Variants in DOT1L observed in about 807,000 individuals in gnomAD.
DOT1L encodes the protein DOT1 like histone lysine methyltransferase.
A neutral mutation model predicts 153.3 loss-of-function variants in DOT1L; 33 were observed. The ratio of observed to expected loss-of-function variants is 0.22; its 90% CI spans 0.16 to 0.29. The LOEUF (loss-of-function observed/expected upper bound fraction) is 0.29, where lower values mean the gene tolerates loss of function less well. Among genes scored for constraint, DOT1L ranks in the 10% least tolerant of loss-of-function variants. The probability of loss-of-function intolerance (pLI) is 1.00; values close to 1 mark genes in which losing one functional copy is unlikely to be tolerated. For missense variants in DOT1L, 1,847 were observed against 2,119.9 expected (o/e 0.87, Z 2.53); for synonymous variants, 1,135 against 965.1 (o/e 1.18, Z -3.26).
chr19:2,202,551 C>T lies in DOT1L; in HGVS notation c.708-149C>T, dbSNP rs185250026. ...TTTTCCCTGCACCTGAAACCCACGGCGTGCGCTCAGCTGCGTGGGCTTGGC... is the reference window on the plus strand; with the variant it reads ...TTTTCCCTGCACCTGAAACCCACGGTGTGCGCTCAGCTGCGTGGGCTTGGC... On this transcript the variant is annotated intron_variant, in intron 8 of 27. Coordinates refer to ENST00000398665, the MANE Select transcript of DOT1L (RefSeq NM_032482.3). 4.9e-5 allele frequency: 35 copies of T among 709,472 alleles called. No individual in the cohort carries two copies. In the East Asian group the frequency reaches 5.4e-4, roughly 11 times the overall value. The allele number at this position is 709,472 out of a possible 1,614,324, so 43.9% of individuals were successfully genotyped here.
At chr19:2,170,510 G>C (rs1428737031) in intron 1 of DOT1L, among the ~76,000 whole-genome samples, 2 of 152,166 alleles carry the variant, frequency 1.3e-5, no homozygotes, top group Non-Finnish European at 2.9e-5. Flanking sequence ...GGATTCATCA[G>C]TTCTGTGTTT....
At chr19:2,224,128 C>T (rs1381718729) in intron 25 of DOT1L, among the ~76,000 whole-genome samples, 1 of 152,236 alleles carries the variant, frequency 6.6e-6, no homozygotes, top group African/African-American at 2.4e-5. Flanking sequence ...CAAGGTGCAT[C>T]CTCGGTCCCT....
chr19:2,199,923 C>T lies in DOT1L; in HGVS notation c.691C>T (p.Arg231Ter), dbSNP rs2144779644. 1.2e-6 allele frequency: 2 copies of T among 1,613,922 alleles called. No homozygotes were observed. The highest frequency in any genetic ancestry group is 8.5e-7 in the Non-Finnish European group (1 of 1,179,872). The change falls in exon 8 of 28, where the codon CGA (arginine) becomes TGA (stop). Residue 231 changes from arginine to a stop codon, truncating the protein, a stop_gained. Transcript: ENST00000398665. LOFTEE classifies it high-confidence loss of function. ...TTTCCTCTCAGAAGAGTGGAGGGAG[C>T]GAATCGCCAACACGAGGTATGGCCA... ...GDFLSEEWRE[R>*]IANTSVIFVN...
At chr19:2,219,534 C>G (rs959880748) in intron 22 of DOT1L, among the ~76,000 whole-genome samples, 1 of 152,118 alleles carries the variant, frequency 6.6e-6, no homozygotes, top group African/African-American at 2.4e-5. Context: ...CGGCTTGATT[C>G]CCTGTTTTGG....
At chr19:2,184,783 G>A (rs1259965560) in intron 2 of DOT1L, among the ~76,000 whole-genome samples, 1 of 152,180 alleles carries the variant, frequency 6.6e-6, no homozygotes, top group Non-Finnish European at 1.5e-5. Flanking sequence ...TTGTTCCTTC[G>A]GTGAATTGCA....
chr19:2,177,553 T>C (rs2022008281), intron 1 of DOT1L, among the ~76,000 whole-genome samples: 1 of 152,166 alleles, frequency 6.6e-6, no homozygotes, highest in African/African-American at 2.4e-5. Context: ...ATTTGTGTTA[T>C]TAGTATTCGC....
In DOT1L at chr19:2,223,019, C is replaced by T. The variant is rs182195469; in HGVS notation, c.3391-262C>T. The stretch of plus-strand genomic sequence containing the variant: ...TGGGGTTCGGAGTGCGATGCGCTGC[C>T]TGCAAGCTTCTTCATTCTCGGCTGT... On this transcript the variant is annotated intron_variant, in intron 24 of 27. Transcript: ENST00000398665. 9.5e-6 allele frequency: 5 copies of T among 527,596 alleles called. No homozygotes were observed. The Admixed American group carries it at 1.4e-4, about 15-fold the overall frequency. 32.7% of individuals were successfully genotyped at this position (527,596 alleles called of 1,614,324 possible).
chr19:2,221,764 G>A (rs868090491), intron 23 of DOT1L: 15 of 558,166 alleles, frequency 2.7e-5, no homozygotes, highest in African/African-American at 9.4e-5. Context: ...CCAGATGGGC[G>A]GGAGGAGGCA....
intron 1 of DOT1L, among the ~76,000 whole-genome samples, chr19:2,170,876 G>C (rs565747879): frequency 2.6e-5 from 4 of 152,120 alleles, no homozygotes; most frequent in Admixed American, 6.6e-5. Context: ...CCCGGAACGT[G>C]TGTCTCCCGG....
rs1477354006 is a variant in DOT1L at position 2,226,445 on chromosome 19, G to A, written c.3924G>A (p.Pro1308=). The change falls in exon 27 of 28, where the codon CCG becomes CCA. Residue 1308 remains proline, a synonymous_variant. Transcript: ENST00000398665. ...GSLSGADGLS[P]GTNPANGCTF... is the part of the protein sequence containing the mutation. ...TGTCGGGGGCTGACGGACTCAGCCC[G>A]GGCACCAACCCTGCCAACGGCTGCA... The A allele has an allele frequency of 5.6e-6, 9 of 1,601,494 alleles. No homozygotes were observed. The highest frequency in any genetic ancestry group is 5.9e-6 in the Non-Finnish European group (7 of 1,179,270).
intron 26 of DOT1L, 46 bp from the exon 27 acceptor site, chr19:2,226,136 CG>C: frequency 6.7e-7 from 1 of 1,484,414 alleles, no homozygotes; most frequent in Non-Finnish European, 8.9e-7. Context: ...ATGGGTAGCC[CG>C]GGCAGGTGCT....
In DOT1L at chr19:2,194,671, A is replaced by ATGGCTGTTGGCACG. The variant is rs1451705446; in HGVS notation, c.651+107_651+108insGTGGCTGTTGGCAC. 8.8e-6 allele frequency: 13 copies of ATGGCTGTTGGCACG among 1,468,948 alleles called. No individual in the cohort carries two copies. In the Admixed American group the frequency reaches 1.4e-4, roughly 16 times the overall value. The allele number at this position is 1,468,948 out of a possible 1,614,324, so 91.0% of individuals were successfully genotyped here. On this transcript the variant is annotated intron_variant, in intron 7 of 27. Coordinates refer to ENST00000398665, the MANE Select transcript of DOT1L (RefSeq NM_032482.3). Reference sequence around the variant, plus strand: ...CCTCCTTTCTTGCCGATGTTGGCACATGGCTGTTGGCACATGGTGTGCCCC... The same window carrying ATGGCTGTTGGCACG: ...CCTCCTTTCTTGCCGATGTTGGCACATGGCTGTTGGCACGTGGCTGTTGGCACATGGTGTGCCCC...
At chr19:2,229,135 A>T in intron 27 of DOT1L, 1 of 985,380 alleles carries the variant, frequency 1.0e-6, no homozygotes, top group Non-Finnish European at 1.2e-6. Context: ...TTGAGACCAG[A>T]AGGAAGTTGG....
chr19:2,193,690 T>C lies in DOT1L; in HGVS notation c.495T>C (p.Gly165=), dbSNP rs1220196462. ...DDDLFVDLGS[G]VGQVVLQVAA... is the part of the protein sequence containing the mutation. ...TCTGATGGATCTCTCTGATCATAGG[T>C]GTGGGCCAGGTCGTGCTCCAGGTTG... The change falls in exon 6 of 28, where the codon GGT becomes GGC. Residue 165 remains glycine (G), a splice_region_variant and synonymous_variant. Transcript: ENST00000398665. The surrounding 1 kb of genome is among the most constrained non-coding windows in gnomAD (Gnocchi z 5.9). The C allele has an allele frequency of 1.2e-6, 2 of 1,614,012 alleles. No individual in the cohort carries two copies. Among genetic ancestry groups the C allele is most frequent in the Non-Finnish European group, 1.7e-6 (2 of 1,179,936 alleles).
chr19:2,174,787 T>TAAA (rs79261543), intron 1 of DOT1L, among the ~76,000 whole-genome samples: 4 of 133,090 alleles, frequency 3.0e-5, no homozygotes, highest in Admixed American at 7.5e-5. Flanking sequence ...CCCAGCTAGT[T>TAAA]AAAAAAAAAA....
At chr19:2,228,161 C>T (rs754931184) in intron 27 of DOT1L, 3 of 1,364,810 alleles carry the variant, frequency 2.2e-6, no homozygotes, top group Non-Finnish European at 2.9e-6. Flanking sequence ...TCAAGCTCAC[C>T]TCCCTCCCGC....
intron 7 of DOT1L, among the ~76,000 whole-genome samples, chr19:2,195,628 C>T (rs932685237): frequency 6.6e-6 from 1 of 152,056 alleles, no homozygotes; most frequent in African/African-American, 2.4e-5. Flanking sequence ...CCCGCAGCCC[C>T]TTGAGTCCTG....
rs1269237698 is a variant in DOT1L at position 2,197,459 on chromosome 19, C to T, written c.652-2425C>T. On this transcript the variant is annotated intron_variant, in intron 7 of 27. Coordinates refer to ENST00000398665, the MANE Select transcript of DOT1L (RefSeq NM_032482.3). The surrounding 1 kb of genome is among the most constrained non-coding windows in gnomAD (Gnocchi z 4.1). ...TCCGCGCGGTCTGGCTGGGCTGAGC[C>T]TTGCTCAGGAGAGGGGTGCTGTCGG... Among the ~76,000 whole-genome samples the T allele has an allele frequency of 6.6e-6, 1 of 152,210 alleles. No individual in the cohort carries two copies. Among genetic ancestry groups the T allele is most frequent in the East Asian group, 1.9e-4 (1 of 5,196 alleles).
intron 7 of DOT1L, among the ~76,000 whole-genome samples, chr19:2,195,534 T>G (rs1030442603): frequency 6.6e-6 from 1 of 152,084 alleles, no homozygotes; most frequent in Non-Finnish European, 1.5e-5. Flanking sequence ...GCTTGGGGTC[T>G]GGGGACTGCA....
Sources: allele counts gnomAD v4.1 joint callset (sites outside exome capture counted in the v4.1 genomes callset), GRCh38; gene constraint gnomAD v4.1.1; non-coding constraint Gnocchi (gnomAD v3.1); transcripts MANE v1.5; gene names NCBI Gene and HGNC (gene_info 2026-07-23, HGNC 2026-07-21).